ERC1: variants seen among roughly 807,000 people sequenced by gnomAD.
The protein encoded by ERC1 is ELKS/RAB6-interacting/CAST family member 1.
Under a neutral mutation model 132.0 loss-of-function variants are expected in ERC1, and 56 were observed. The observed-to-expected ratio is 0.42, with a 90% CI of 0.34 to 0.53. The LOEUF (loss-of-function observed/expected upper bound fraction) is 0.53. ERC1 is among the 20% of genes least tolerant of loss of function. The probability of loss-of-function intolerance (pLI) is 0.03; values close to 1 mark genes in which losing one functional copy is unlikely to be tolerated. For missense variants in ERC1, 1,202 were observed against 1,349.9 expected (o/e 0.89, Z 1.72); for synonymous variants, 478 against 476.1 (o/e 1.00, Z -0.05).
intron 3 of ERC1, among the ~76,000 whole-genome samples, chr12:1,092,072 C>T (rs1233690329): frequency 1.3e-5 from 2 of 150,302 alleles, no homozygotes; most frequent in Non-Finnish European, 3.0e-5. Flanking sequence ...GATCTCGGCT[C>T]ACTGCAACCT....
chr12:1,251,984 T>C (rs1380106164), intron 13 of ERC1, among the ~76,000 whole-genome samples: 1 of 152,182 alleles, frequency 6.6e-6, no homozygotes, highest in African/African-American at 2.4e-5. Flanking sequence ...TTTTTTTTCT[T>C]AAATTTTATT....
intron 17 of ERC1, chr12:1,410,458 G>T: frequency 7.8e-7 from 1 of 1,289,484 alleles, no homozygotes; most frequent in Admixed American, 2.3e-5. Context: ...AGAACGGTGA[G>T]AAACAGCTTT....
chr12:1,439,144 A>G (rs2093033737), intron 17 of ERC1, among the ~76,000 whole-genome samples: 1 of 152,174 alleles, frequency 6.6e-6, no homozygotes, highest in East Asian at 1.9e-4. Flanking sequence ...TGGGAAGAGA[A>G]GAGCCTACTG....
intron 12 of ERC1, among the ~76,000 whole-genome samples, chr12:1,211,392 C>T (rs1957858054): frequency 6.6e-6 from 1 of 152,154 alleles, no homozygotes; most frequent in Admixed American, 6.5e-5. Context: ...AGGTGATCCA[C>T]CCGCCTCGGC....
chr12:1,413,724 A>C (rs2091965496), intron 17 of ERC1, among the ~76,000 whole-genome samples: 1 of 152,272 alleles, frequency 6.6e-6, no homozygotes. Context: ...TTGATAAGTT[A>C]TGTAACTATT....
chr12:1,207,967 C>T (rs1413229676), intron 12 of ERC1, among the ~76,000 whole-genome samples: 1 of 152,166 alleles, frequency 6.6e-6, no homozygotes, highest in Non-Finnish European at 1.5e-5. Flanking sequence ...CTTACTCTGG[C>T]ACCCACCCCC....
chr12:1,153,781 C>G (rs1218432305), intron 8 of ERC1, among the ~76,000 whole-genome samples: 4 of 152,220 alleles, frequency 2.6e-5, no homozygotes, highest in Non-Finnish European at 5.9e-5. Context: ...GCCCTCCTTT[C>G]TTCACATGGT....
intron 1 of ERC1, among the ~76,000 whole-genome samples, chr12:999,392 A>G (rs545120874): frequency 1.1e-4 from 17 of 152,184 alleles, no homozygotes; most frequent in African/African-American, 2.9e-4. Context: ...TATGATTCCT[A>G]CACTTCCTCT....
Position 1,308,210 on chromosome 12 carries a change from G to GTTATTA in ERC1, c.2780+18216_2780+18221dup, listed in dbSNP as rs60804477. ...TGTTTCTTCTTTAGCTGTTACTATT[G>GTTATTA]TTATTATTATTATTATTATTATTTG... is the stretch of plus-strand genomic sequence containing the variant. On this transcript the variant is annotated intron_variant, in intron 15 of 18. Transcript: ENST00000360905. 6.6e-3 allele frequency among the ~76,000 whole-genome samples: 990 copies of GTTATTA among 150,106 alleles called. 6 individuals carry two copies. Among genetic ancestry groups the GTTATTA allele is most frequent in the African/African-American group, 0.019 (758 of 40,798 alleles).
chr12:1,343,136 T>TAAAGC (rs2154363137), intron 15 of ERC1, among the ~76,000 whole-genome samples: 1 of 152,290 alleles, frequency 6.6e-6, no homozygotes, highest in East Asian at 1.9e-4. Context: ...CACCTGGACT[T>TAAAGC]AAAGCAGGCT....
chr12:1,030,097 TC>T (rs1395802714), intron 2 of ERC1, among the ~76,000 whole-genome samples: 3 of 152,122 alleles, frequency 2.0e-5, no homozygotes, highest in Non-Finnish European at 4.4e-5. Flanking sequence ...CACATTTTTT[TC>T]CCCCATGGCC....
chr12:1,019,972 C>G (rs897892316), intron 1 of ERC1, among the ~76,000 whole-genome samples: 1 of 151,730 alleles, frequency 6.6e-6, no homozygotes, highest in South Asian at 2.1e-4. Flanking sequence ...CCAGGCTGGT[C>G]TTGAACTCCT....
At chr12:1,469,076 C>G (rs893419055) in intron 18 of ERC1, among the ~76,000 whole-genome samples, 2 of 152,196 alleles carry the variant, frequency 1.3e-5, no homozygotes, top group African/African-American at 4.8e-5. Flanking sequence ...CATGTCTGTG[C>G]TAGGTGTTGT....
intron 14 of ERC1, among the ~76,000 whole-genome samples, chr12:1,273,777 A>G (rs1337188613): frequency 6.6e-6 from 1 of 151,938 alleles, no homozygotes; most frequent in Non-Finnish European, 1.5e-5. Context: ...ATGGACAGAC[A>G]GATAGATACA....
chr12:1,130,632 C>CTTTT (rs201618993), intron 7 of ERC1, among the ~76,000 whole-genome samples: 80 of 147,152 alleles, frequency 5.4e-4, no homozygotes, highest in South Asian at 2.3e-3. Flanking sequence ...AACGTATAGT[C>CTTTT]TTTTTTTTTT....
chr12:1,175,808 T>A (rs548335670), intron 8 of ERC1, among the ~76,000 whole-genome samples: 1 of 152,314 alleles, frequency 6.6e-6, no homozygotes, highest in East Asian at 1.9e-4. Context: ...GTGCTGCGAT[T>A]ACAGGTGTGA....
chr12:1,401,251 A>T (rs2091044753), intron 16 of ERC1, among the ~76,000 whole-genome samples: 1 of 152,034 alleles, frequency 6.6e-6, no homozygotes, highest in Non-Finnish European at 1.5e-5. Flanking sequence ...TGTATTTTTT[A>T]AAACACCATG....
chr12:1,155,101 T>C (rs1037570405), intron 8 of ERC1, among the ~76,000 whole-genome samples: 8 of 152,132 alleles, frequency 5.3e-5, no homozygotes, highest in Non-Finnish European at 1.2e-4. Flanking sequence ...ATGGATCACC[T>C]GTGGTCAGGA....
intron 15 of ERC1, among the ~76,000 whole-genome samples, chr12:1,348,382 AG>A (rs2084680564): frequency 6.6e-6 from 1 of 152,188 alleles, no homozygotes; most frequent in African/African-American, 2.4e-5. Context: ...AATCAGCTTA[AG>A]GGGAAAAAAT....
Sources: allele counts gnomAD v4.1 joint callset (sites outside exome capture counted in the v4.1 genomes callset), GRCh38; gene constraint gnomAD v4.1.1; transcripts MANE v1.5; gene names NCBI Gene and HGNC (gene_info 2026-07-23, HGNC 2026-07-21).